The following TRIM6 variants were observed in gnomAD, a reference collection of about 807,000 sequenced individuals.
TRIM6 encodes the protein tripartite motif containing 6.
TRIM6 carries 43 observed loss-of-function variants against 51.2 expected under a neutral mutation model. The ratio of observed to expected loss-of-function variants is 0.84; its 90% CI spans 0.66 to 1.08. The LOEUF is 1.08. Among genes scored for constraint, TRIM6 ranks in the 50% least tolerant of loss-of-function variants. The pLI, the probability that TRIM6 is intolerant of heterozygous loss-of-function variation, is 0.00. For synonymous variants in TRIM6, 215 were observed against 232.4 expected (o/e 0.93, Z 0.68); for missense variants, 669 against 619.0 (o/e 1.08, Z -0.86).
chr11:5,596,794 G>A lies in TRIM6; in HGVS notation c.-104G>A. 4 of 1,580,194 alleles carry A rather than the reference G, an allele frequency of 2.5e-6. No homozygotes were observed. Among genetic ancestry groups the A allele is most frequent in the Non-Finnish European group, 3.5e-6 (4 of 1,151,876 alleles). On this transcript the variant is annotated 5_prime_UTR_variant, in exon 1 of 8. Transcript: ENST00000380097. ...GTTTAGATAAAAGCCGAGTGAGCGC[G>A]CTCTGTTCCTTAAGATTAGTTTAAG... is the stretch of plus-strand genomic sequence containing the variant.
Position 5,596,799 on chromosome 11 carries a change from G to C in TRIM6, c.-99G>C. ...GATAAAAGCCGAGTGAGCGCGCTCT[G>C]TTCCTTAAGATTAGTTTAAGGTGCC... On this transcript the variant is annotated 5_prime_UTR_variant, in exon 1 of 8. Coordinates refer to ENST00000380097, the MANE Select transcript of TRIM6 (RefSeq NM_001003818.3). 1 of 1,597,652 alleles carries C rather than the reference G, an allele frequency of 6.3e-7. No homozygotes were observed. Among genetic ancestry groups the C allele is most frequent in the Admixed American group, 1.7e-5 (1 of 59,764 alleles).
At chr11:5,604,051 A>G (rs1005203556) in intron 2 of TRIM6, among the ~76,000 whole-genome samples, 3 of 152,080 alleles carry the variant, frequency 2.0e-5, no homozygotes, top group African/African-American at 7.2e-5. Context: ...GTTGGAGTGC[A>G]GTGGTGCGAT....
rs771021036 is a variant in TRIM6, at chr11:5,604,605, CAG to C, written c.585_586del (p.Lys196GlufsTer11). ...AAGCTGAGAAGCTAACAGCTTTTAT[CAG>C]AGAGAAGAAAACATCCTGGAAGGCA... ...QEAEKLTAFI[R>X]EKKTSWKNQM... is the part of the protein sequence containing the mutation. On this transcript the variant is annotated frameshift_variant, in exon 3 of 8. Coordinates refer to ENST00000380097, the MANE Select transcript of TRIM6 (RefSeq NM_001003818.3). LOFTEE classifies it high-confidence loss of function. 2.5e-6 allele frequency: 4 copies of C among 1,612,774 alleles called. No individual in the cohort carries two copies. The African/African-American group carries it at 4.0e-5, about 16-fold the overall frequency.
intron 4 of TRIM6, among the ~76,000 whole-genome samples, chr11:5,606,148 C>G (rs74050998): frequency 0.024 from 3,592 of 152,296 alleles, 147 homozygotes; most frequent in African/African-American, 0.082. Flanking sequence ...GGCACACTTA[C>G]GCCAAGCTAA....
In TRIM6 at chr11:5,612,257, T is replaced by G. The variant is rs995074683; in HGVS notation, c.*915T>G. 3.9e-5 allele frequency: 6 copies of G among 152,232 alleles called. No individual in the cohort carries two copies. Among genetic ancestry groups the G allele is most frequent in the Admixed American group, 3.9e-4 (6 of 15,276 alleles). 9.4% of individuals were successfully genotyped at this position (152,232 alleles called of 1,614,324 possible). ...GCAATAATAAGCAAATAAATTACTT[T>G]GTTTTTGTATAAGTATGTATAGGAT... is the stretch of plus-strand genomic sequence containing the variant. On this transcript the variant is annotated 3_prime_UTR_variant, in exon 8 of 8. Transcript: ENST00000380097.
rs964889271 is a variant in TRIM6 at position 5,610,175 on chromosome 11, A to C, written c.888A>C (p.Glu296Asp). 6.2e-7 allele frequency: 1 copy of C among 1,614,142 alleles called. No homozygotes were observed. The highest frequency in any genetic ancestry group is 8.5e-7 in the Non-Finnish European group (1 of 1,180,016). Residue 296 changes from glutamate (E) to aspartate (D), a missense_variant, in exon 6 of 8, where the codon GAA becomes GAC. Glu to Asp is a conservative substitution (Grantham distance 45, BLOSUM62 2). Transcript: ENST00000380097. ...RSEFWTLRKP[E>D]ALPTKLRSMF... The stretch of plus-strand genomic sequence containing the variant: ...AGTTCTGGACCCTGAGGAAGCCAGA[A>C]GCTCTCCCTACAAAGCTGAGAAGTA...
In TRIM6 at chr11:5,603,161, C is replaced by T. The variant is rs1847970790; in HGVS notation, c.18-85C>T. The T allele has an allele frequency of 2.6e-6, 4 of 1,528,336 alleles. No homozygotes were observed. The South Asian group carries it at 5.2e-5, about 20-fold the overall frequency. 94.7% of individuals were successfully genotyped at this position (1,528,336 alleles called of 1,614,324 possible). A position where few individuals can be genotyped will look rare whatever the true frequency, so the allele number is the denominator to read the frequency against. ...CCTTGTTACCCCAGGTGTCTGACCT[C>T]TTTATCCAGGACTGGGCAGTCAGTA... On this transcript the variant is annotated intron_variant, in intron 1 of 7. Transcript: ENST00000380097.
intron 1 of TRIM6, among the ~76,000 whole-genome samples, chr11:5,600,180 C>T (rs1039352815): frequency 6.6e-6 from 1 of 152,166 alleles, no homozygotes; most frequent in Non-Finnish European, 1.5e-5. Flanking sequence ...GTAATAAGAG[C>T]TCCAGCTCTG....
chr11:5,603,943 C>G (rs1053642592), intron 2 of TRIM6, among the ~76,000 whole-genome samples: 4 of 151,750 alleles, frequency 2.6e-5, no homozygotes, highest in African/African-American at 2.4e-5. Context: ...AAAAGGGGTA[C>G]TTGGTTGATT....
chr11:5,597,902 T>C (rs1412029465), intron 1 of TRIM6, among the ~76,000 whole-genome samples: 1 of 148,120 alleles, frequency 6.8e-6, no homozygotes, highest in Non-Finnish European at 1.5e-5. Flanking sequence ...TTAATGTGCG[T>C]AAGAATCACC....
chr11:5,605,675 A>G, intron 4 of TRIM6, 108 bp downstream of exon 4: 7 of 1,344,660 alleles, frequency 5.2e-6, no homozygotes, highest in Non-Finnish European at 6.9e-6. Flanking sequence ...AAGAGAAAAC[A>G]TTCCTTTGGC....
chr11:5,611,506 T>A lies in TRIM6; in HGVS notation c.*164T>A. The A allele has an allele frequency of 1.5e-6, 1 of 653,296 alleles. No homozygotes were observed. The highest frequency in any genetic ancestry group is 2.6e-6 in the Non-Finnish European group (1 of 387,072). 40.5% of individuals were successfully genotyped at this position (653,296 alleles called of 1,614,324 possible). A position where few individuals can be genotyped will look rare whatever the true frequency, so the allele number is the denominator to read the frequency against. Reference sequence around the variant, plus strand: ...TCTCGCTCTGTCGCCCAGGCTGGAGTGCACTGGCGCAATCTCGGCTCACTG... The same window carrying A: ...TCTCGCTCTGTCGCCCAGGCTGGAGAGCACTGGCGCAATCTCGGCTCACTG... On this transcript the variant is annotated 3_prime_UTR_variant, in exon 8 of 8. Transcript: ENST00000380097.
intron 5 of TRIM6, among the ~76,000 whole-genome samples, chr11:5,609,762 T>A (rs998142611): frequency 5.3e-5 from 8 of 152,042 alleles, no homozygotes; most frequent in South Asian, 4.1e-4. Flanking sequence ...CTCTACTAAA[T>A]ATACAAGAAA....
rs1434806093 is a variant in TRIM6, at chr11:5,605,397, C to G, written c.664C>G (p.Leu222Val). The G allele has an allele frequency of 6.2e-7, 1 of 1,614,138 alleles. No individual in the cohort carries two copies. The highest frequency in any genetic ancestry group is 8.5e-7 in the Non-Finnish European group (1 of 1,180,032). The change falls in exon 4 of 8, where the codon CTA (leucine) becomes GTA (valine). Residue 222 changes from leucine to valine, a missense_variant. Physicochemically the swap from Leu to Val is conservative, Grantham distance 32. Coordinates refer to ENST00000380097, the MANE Select transcript of TRIM6 (RefSeq NM_001003818.3). ...QTEFNQLRNI[L>V]DRVEQRELKK... Reference sequence around the variant, plus strand: ...AGAGTTTAATCAGCTGCGAAATATCCTAGACAGAGTGGAGCAACGGGAGCT... The same window carrying G: ...AGAGTTTAATCAGCTGCGAAATATCGTAGACAGAGTGGAGCAACGGGAGCT...
Position 5,611,603 on chromosome 11 carries a change from A to C in TRIM6, c.*261A>C. On this transcript the variant is annotated 3_prime_UTR_variant, in exon 8 of 8. Coordinates refer to ENST00000380097, the MANE Select transcript of TRIM6 (RefSeq NM_001003818.3). ...CAAGTAGCTGGGATTACAGGCACCC[A>C]CCACCATGCCCAACTAATTTTTGTA... 1 of 386,216 alleles carries C rather than the reference A, an allele frequency of 2.6e-6. No homozygotes were observed. Among genetic ancestry groups the C allele is most frequent in the Non-Finnish European group, 4.6e-6 (1 of 215,386 alleles). 23.9% of individuals were successfully genotyped at this position (386,216 alleles called of 1,614,324 possible).
At position 5,611,346 on chromosome 11, in the gene TRIM6, T is replaced by C. The variant is rs1848568286; in HGVS notation, c.*4T>C. 2 of 1,607,880 alleles carry C rather than the reference T, an allele frequency of 1.2e-6. No homozygotes were observed. Among genetic ancestry groups the C allele is most frequent in the African/African-American group, 2.7e-5 (2 of 74,632 alleles). ...CCTGCGTCGTCCAAGCTCTTGAATATTCTTCTGTTCCCACCCACTTCTGAT... is the reference window on the plus strand; with the variant it reads ...CCTGCGTCGTCCAAGCTCTTGAATACTCTTCTGTTCCCACCCACTTCTGAT... On this transcript the variant is annotated 3_prime_UTR_variant, in exon 8 of 8. Transcript: ENST00000380097.
chr11:5,608,493 A>T, intron 5 of TRIM6, 99 bp downstream of exon 5: 1 of 1,563,728 alleles, frequency 6.4e-7, no homozygotes, highest in Non-Finnish European at 8.7e-7. Flanking sequence ...AGTGGGGAAG[A>T]TTCAAGAGAG....
At chr11:5,608,518 G>T (rs555872173) in intron 5 of TRIM6, 124 bp downstream of exon 5, 5 of 1,418,034 alleles carry the variant, frequency 3.5e-6, no homozygotes, top group Non-Finnish European at 1.9e-6. Context: ...CTTGAATCGC[G>T]CATCACATGG....
Position 5,596,647 on chromosome 11 carries a change from G to C in TRIM6, c.-251G>C. 1 of 473,960 alleles carries C rather than the reference G, an allele frequency of 2.1e-6. No individual in the cohort carries two copies. 29.4% of individuals were successfully genotyped at this position (473,960 alleles called of 1,614,324 possible). On this transcript the variant is annotated 5_prime_UTR_variant, in exon 1 of 8. Coordinates refer to ENST00000380097, the MANE Select transcript of TRIM6 (RefSeq NM_001003818.3). ...GGCCCGACTCCTCCCAGAAGGAGTT[G>C]GGAGATGAGCCTTCCGCAAACTCCT...
Sources: gnomAD v4.1 joint callset for allele counts (sites outside exome capture counted in the v4.1 genomes callset) on GRCh38, gnomAD v4.1.1 for gene constraint, MANE v1.5 for transcripts, NCBI Gene and HGNC (gene_info 2026-07-23, HGNC 2026-07-21) for gene names.